The following ADAMTS16 variants were observed in gnomAD, a reference collection of about 807,000 sequenced individuals.
ADAMTS16 encodes the protein ADAM metallopeptidase with thrombospondin type 1 motif 16.
In ADAMTS16, 94 loss-of-function variants were observed where a neutral mutation model predicts 145.8. The ratio of observed to expected loss-of-function variants is 0.64; its 90% CI spans 0.55 to 0.77. The LOEUF (loss-of-function observed/expected upper bound fraction) is 0.77, where lower values mean the gene tolerates loss of function less well. ADAMTS16 is among the 30% of genes least tolerant of loss of function. ADAMTS16 has a pLI of 0.00. For synonymous variants in ADAMTS16, 659 were observed against 604.3 expected (o/e 1.09, Z -1.33); for missense variants, 1,585 against 1,591.5 (o/e 1.00, Z 0.07).
intron 3 of ADAMTS16, among the ~76,000 whole-genome samples, chr5:5,173,816 A>G (rs1735115374): frequency 6.6e-6 from 1 of 152,224 alleles, no homozygotes; most frequent in Admixed American, 6.5e-5. Flanking sequence ...AGAAACAAGT[A>G]AAGAGAAAAC....
intron 18 of ADAMTS16, among the ~76,000 whole-genome samples, chr5:5,295,723 G>A (rs1041718297): frequency 6.6e-6 from 1 of 152,180 alleles, no homozygotes; most frequent in Non-Finnish European, 1.5e-5. Flanking sequence ...AGAGATGAAC[G>A]GAGCAGACAG....
At chr5:5,173,974 G>A (rs1735119996) in intron 3 of ADAMTS16, among the ~76,000 whole-genome samples, 1 of 152,146 alleles carries the variant, frequency 6.6e-6, no homozygotes, top group African/African-American at 2.4e-5. Flanking sequence ...AGATATGAGT[G>A]ATTTACAAAC....
chr5:5,230,125 C>T (rs1432384269), intron 11 of ADAMTS16, among the ~76,000 whole-genome samples: 5 of 152,090 alleles, frequency 3.3e-5, no homozygotes, highest in East Asian at 3.9e-4. Flanking sequence ...ACCCAGGGGA[C>T]GTGTTCAATG....
chr5:5,235,728 T>A (rs1255194349), intron 13 of ADAMTS16, among the ~76,000 whole-genome samples: 1 of 152,190 alleles, frequency 6.6e-6, no homozygotes, highest in Non-Finnish European at 1.5e-5. Context: ...GTTTTCATGA[T>A]TAAAATAACT....
intron 3 of ADAMTS16, among the ~76,000 whole-genome samples, chr5:5,180,134 C>G (rs916189580): frequency 2.6e-5 from 4 of 152,272 alleles, no homozygotes; most frequent in African/African-American, 7.2e-5. Context: ...AAGTAAGAAT[C>G]AGACCCAGGC....
chr5:5,301,329 C>T (rs542676072), intron 18 of ADAMTS16, among the ~76,000 whole-genome samples: 145 of 152,294 alleles, frequency 9.5e-4, no homozygotes, highest in Non-Finnish European at 1.8e-3. Context: ...TTCCTCCTGC[C>T]TCAGCCTGGA....
chr5:5,312,090 G>A (rs1020423874), intron 21 of ADAMTS16, among the ~76,000 whole-genome samples: 4 of 152,088 alleles, frequency 2.6e-5, no homozygotes, highest in African/African-American at 9.7e-5. Flanking sequence ...TCCACAGAAT[G>A]TTTGGTCCCA....
Position 5,303,395 on chromosome 5 carries a change from C to A in ADAMTS16, c.2917C>A (p.Pro973Thr). The A allele has an allele frequency of 6.2e-7, 1 of 1,605,780 alleles. No individual in the cohort carries two copies. The highest frequency in any genetic ancestry group is 8.5e-7 in the Non-Finnish European group (1 of 1,176,622). The change falls in exon 19 of 23, where the codon CCT (proline) becomes ACT (threonine). Residue 973 changes from proline to threonine, a missense_variant. Pro to Thr is a conservative substitution (Grantham distance 38). Coordinates refer to ENST00000274181, the MANE Select transcript of ADAMTS16 (RefSeq NM_139056.4). The part of the protein sequence containing the change: ...EPVPASLCPQ[P>T]APSSRQACNS... ...AGTCCCGGCCAGCCTGTGCCCTCAG[C>A]CTGCTCCCTCCAGCAGGCAGGCCTG... is the stretch of plus-strand genomic sequence containing the variant.
chr5:5,267,276 G>C (rs1738275305), intron 18 of ADAMTS16, among the ~76,000 whole-genome samples: 1 of 152,190 alleles, frequency 6.6e-6, no homozygotes, highest in Non-Finnish European at 1.5e-5. Flanking sequence ...GTCGTCCCTG[G>C]GCAGCTTGTG....
chr5:5,278,295 C>T (rs545415099), intron 18 of ADAMTS16, among the ~76,000 whole-genome samples: 3 of 152,128 alleles, frequency 2.0e-5, no homozygotes, highest in Non-Finnish European at 4.4e-5. Context: ...GCATGATAGC[C>T]GGTTTCTATT....
intron 9 of ADAMTS16, among the ~76,000 whole-genome samples, chr5:5,206,375 G>A (rs1396630022): frequency 1.7e-4 from 17 of 101,874 alleles, no homozygotes; most frequent in African/African-American, 6.3e-4. Context: ...GCAGTGAGCC[G>A]AGATCCCGCC....
intron 21 of ADAMTS16, among the ~76,000 whole-genome samples, chr5:5,307,659 G>A (rs182898795): frequency 3.7e-4 from 56 of 152,256 alleles, no homozygotes; most frequent in Admixed American, 1.8e-3. Context: ...GTGTGCTGGC[G>A]CTGCTCTGAG....
chr5:5,172,668 T>C (rs1397515650), intron 3 of ADAMTS16, among the ~76,000 whole-genome samples: 1 of 152,186 alleles, frequency 6.6e-6, no homozygotes, highest in African/African-American at 2.4e-5. Flanking sequence ...ACATATGGTC[T>C]GTTCTTGAGA....
chr5:5,280,944 T>G (rs1349953869), intron 18 of ADAMTS16, among the ~76,000 whole-genome samples: 1 of 152,236 alleles, frequency 6.6e-6, no homozygotes, highest in Non-Finnish European at 1.5e-5. Flanking sequence ...AGCTGTTTGC[T>G]CTACCCTATC....
intron 18 of ADAMTS16, among the ~76,000 whole-genome samples, chr5:5,291,574 C>T (rs1266115490): frequency 6.6e-6 from 1 of 152,164 alleles, no homozygotes; most frequent in Non-Finnish European, 1.5e-5. Flanking sequence ...CCCGTGATTT[C>T]CTGAAGGCCG....
At chr5:5,167,367 T>C (rs535122412) in intron 3 of ADAMTS16, among the ~76,000 whole-genome samples, 1 of 152,344 alleles carries the variant, frequency 6.6e-6, no homozygotes, top group South Asian at 2.1e-4. Context: ...TGTCTAAAGG[T>C]GACATAGGGT....
At chr5:5,272,209 G>A (rs780197890) in intron 18 of ADAMTS16, among the ~76,000 whole-genome samples, 7 of 151,946 alleles carry the variant, frequency 4.6e-5, no homozygotes, top group East Asian at 1.9e-4. Flanking sequence ...TGAACATCTC[G>A]GTTCATTTAA....
intron 10 of ADAMTS16, among the ~76,000 whole-genome samples, chr5:5,209,710 T>A (rs1381360222): frequency 6.6e-6 from 1 of 152,098 alleles, no homozygotes; most frequent in East Asian, 1.9e-4. Flanking sequence ...TAGAAGGTAA[T>A]ACCTACTCCG....
chr5:5,303,599 A>G lies in ADAMTS16; in HGVS notation c.3019A>G (p.Arg1007Gly). The part of the protein sequence containing the change: ...ECSHTCGKGW[R>G]KRAVACKSTN... ...CTCACACACCTGTGGGAAGGGGTGG[A>G]GGAAGCGGGCAGTGGCCTGTAAGAG... The change falls in exon 20 of 23, where the codon AGG (arginine) becomes GGG (glycine). Residue 1007 changes from arginine (R) to glycine (G), a missense_variant. Arg to Gly is a moderately radical substitution (Grantham distance 125). Coordinates refer to ENST00000274181, the MANE Select transcript of ADAMTS16 (RefSeq NM_139056.4). The G allele has an allele frequency of 6.2e-7, 1 of 1,614,142 alleles. No homozygotes were observed. Among genetic ancestry groups the G allele is most frequent in the Non-Finnish European group, 8.5e-7 (1 of 1,180,016 alleles).
Sources: allele counts gnomAD v4.1 joint callset (sites outside exome capture counted in the v4.1 genomes callset), GRCh38; gene constraint gnomAD v4.1.1; transcripts MANE v1.5; gene names NCBI Gene and HGNC (gene_info 2026-07-23, HGNC 2026-07-21).